The following SUCO variants were observed in gnomAD, a reference collection of about 807,000 sequenced individuals.
SUCO encodes SUN domain-containing ossification factor.
Under a neutral mutation model 148.1 loss-of-function variants are expected in SUCO, and 57 were observed. The observed-to-expected ratio is 0.38, with a 90% CI of 0.31 to 0.48. SUCO has a LOEUF of 0.48. Ranked by LOEUF, SUCO falls within the 20% of genes least tolerant of loss-of-function variation. The probability of loss-of-function intolerance (pLI) is 0.96; values close to 1 mark genes in which losing one functional copy is unlikely to be tolerated. For missense variants in SUCO, 1,331 were observed against 1,468.2 expected (o/e 0.91, Z 1.53); for synonymous variants, 470 against 502.7 (o/e 0.93, Z 0.87).
intron 22 of SUCO, among the ~76,000 whole-genome samples, chr1:172,605,998 A>G (rs539358741): frequency 2.0e-5 from 3 of 151,628 alleles, no homozygotes; most frequent in African/African-American, 4.8e-5. Context: ...TAGGTATTCT[A>G]TAAATTTTTT....
At chr1:172,541,513 A>C (rs1652453910) in intron 1 of SUCO, among the ~76,000 whole-genome samples, 1 of 152,250 alleles carries the variant, frequency 6.6e-6, no homozygotes, top group Admixed American at 6.5e-5. Context: ...GAAGGACTTC[A>C]TCTTGGCAGT....
chr1:172,592,547 T>C (rs1656748371), intron 19 of SUCO, among the ~76,000 whole-genome samples: 2 of 152,228 alleles, frequency 1.3e-5, no homozygotes, highest in African/African-American at 2.4e-5. Context: ...CTTTCCCCAT[T>C]TCTTGTTTTG....
At chr1:172,572,666 C>T (rs545888376) in intron 9 of SUCO, among the ~76,000 whole-genome samples, 5 of 146,002 alleles carry the variant, frequency 3.4e-5, no homozygotes, top group Middle Eastern at 7.0e-3. Context: ...GCCAAATCCC[C>T]CTCTGTGAGA....
intron 1 of SUCO, among the ~76,000 whole-genome samples, chr1:172,540,932 A>G (rs994648846): frequency 1.3e-5 from 2 of 152,180 alleles, no homozygotes; most frequent in African/African-American, 4.8e-5. Context: ...AACCAGTCCA[A>G]AGAATTAGAT....
Position 172,578,393 on chromosome 1 carries a change from A to G in SUCO, c.1432+4A>G, listed in dbSNP as rs749210799. 5 of 1,606,740 alleles carry G rather than the reference A, an allele frequency of 3.1e-6. No homozygotes were observed. In the South Asian group the frequency reaches 5.5e-5, roughly 18 times the overall value. ...GAACTATTTGATGAGGACTATGGTA[A>G]GTGACATCAAACAGATGACTGTTAG... is the stretch of plus-strand genomic sequence containing the variant. On this transcript the variant is annotated splice_donor_region_variant and intron_variant, in intron 14 of 23. Transcript: ENST00000263688.
intron 1 of SUCO, among the ~76,000 whole-genome samples, chr1:172,535,458 C>T (rs1651937409): frequency 6.6e-6 from 1 of 152,054 alleles, no homozygotes; most frequent in Admixed American, 6.6e-5. Flanking sequence ...GGAGTGGTAC[C>T]TGGTGCTGAT....
At chr1:172,574,610 T>C (rs1458616914) in intron 10 of SUCO, among the ~76,000 whole-genome samples, 1 of 152,092 alleles carries the variant, frequency 6.6e-6, no homozygotes, top group Non-Finnish European at 1.5e-5. Flanking sequence ...ATATGTACTT[T>C]TACATCCTGG....
In SUCO at chr1:172,589,872, C is replaced by A; in HGVS notation, c.2771C>A (p.Ala924Asp). 1 of 1,565,664 alleles carries A rather than the reference C, an allele frequency of 6.4e-7. No individual in the cohort carries two copies. Among genetic ancestry groups the A allele is most frequent in the South Asian group, 1.2e-5 (1 of 83,416 alleles). Reference protein sequence around the residue: ...VFMRLNNRIKALEVNMSLSGR... With the variant: ...VFMRLNNRIKDLEVNMSLSGR... ...ATGAGACTTAATAATCGTATTAAAG[C>A]CTTAGAAGTTAACATGTCTCTCAGT... Residue 924 changes from alanine (A) to aspartate (D), a missense_variant, in exon 18 of 24, where the codon GCC (alanine) becomes GAC (aspartate). Transcript: ENST00000263688.
chr1:172,596,693 C>T (rs1163664464), intron 19 of SUCO, among the ~76,000 whole-genome samples: 2 of 152,188 alleles, frequency 1.3e-5, no homozygotes, highest in Non-Finnish European at 2.9e-5. Flanking sequence ...TGTCAGTTGG[C>T]CCCTACTGCG....
At chr1:172,602,249 T>G in intron 21 of SUCO, 31 bp downstream of exon 21, 1 of 1,508,148 alleles carries the variant, frequency 6.6e-7, no homozygotes, top group East Asian at 2.3e-5. Context: ...CACAATTTTA[T>G]TTTTTTTACT....
intron 1 of SUCO, among the ~76,000 whole-genome samples, chr1:172,538,265 C>T (rs989523170): frequency 6.6e-6 from 1 of 151,974 alleles, no homozygotes; most frequent in Non-Finnish European, 1.5e-5. Context: ...AAGATGTTGG[C>T]CTTTTTGTCC....
chr1:172,555,347 T>A, intron 3 of SUCO: 1 of 982,052 alleles, frequency 1.0e-6, no homozygotes, highest in Non-Finnish European at 1.2e-6. Context: ...TATGAACAGG[T>A]GTTAGGTAGA....
intron 14 of SUCO, among the ~76,000 whole-genome samples, 183 bp from the exon 15 acceptor site, chr1:172,579,015 ATTTG>A (rs753826020): frequency 4.6e-5 from 7 of 151,982 alleles, no homozygotes; most frequent in South Asian, 4.1e-4. Context: ...CTTGGTTTAT[ATTTG>A]TTTGTTAAAT....
At chr1:172,609,216 C>T (rs1395096327) in intron 23 of SUCO, 5 of 810,992 alleles carry the variant, frequency 6.2e-6, no homozygotes, top group Non-Finnish European at 7.3e-6. Context: ...ATGTTATCCT[C>T]ATTTTTTTTT....
rs141595151 is a variant in SUCO at position 172,559,169 on chromosome 1, T to C, written c.732+1375T>C. On this transcript the variant is annotated intron_variant, in intron 6 of 23. Transcript: ENST00000263688. ...AGGATCTGTGAGACACTGATTGCCG[T>C]ACTTATACAGAGAATGCTTTCCAAA... Among the ~76,000 whole-genome samples the C allele has an allele frequency of 4.5e-3, 687 of 152,330 alleles. 1 individual carries two copies. Among genetic ancestry groups the C allele is most frequent in the Non-Finnish European group, 7.3e-3 (496 of 68,030 alleles).
chr1:172,556,120 A>T, intron 4 of SUCO, 97 bp downstream of exon 4: 2 of 929,696 alleles, frequency 2.2e-6, no homozygotes, highest in Non-Finnish European at 3.3e-6. Flanking sequence ...CTCAAGTTTG[A>T]AGTTTAGGCT....
At chr1:172,586,889 A>C (rs1440307066) in intron 17 of SUCO, among the ~76,000 whole-genome samples, 1 of 152,142 alleles carries the variant, frequency 6.6e-6, no homozygotes, top group Non-Finnish European at 1.5e-5. Flanking sequence ...TAATTAGAAA[A>C]TATAGCGTAT....
At chr1:172,549,040 C>A (rs1653080128) in intron 1 of SUCO, among the ~76,000 whole-genome samples, 1 of 151,834 alleles carries the variant, frequency 6.6e-6, no homozygotes, top group South Asian at 2.1e-4. Flanking sequence ...CTTCTTTTTA[C>A]TCATAGATAA....
At chr1:172,542,377 C>T (rs1047960288) in intron 1 of SUCO, among the ~76,000 whole-genome samples, 5 of 151,804 alleles carry the variant, frequency 3.3e-5, no homozygotes, top group South Asian at 2.1e-4. Context: ...AGCGAAACTC[C>T]GTCTCAAAAA....
Sources: gnomAD v4.1 joint callset for allele counts (sites outside exome capture counted in the v4.1 genomes callset) on GRCh38, gnomAD v4.1.1 for gene constraint, MANE v1.5 for transcripts, NCBI Gene and HGNC (gene_info 2026-07-23, HGNC 2026-07-21) for gene names.